Variants in EXT2 observed in about 807,000 individuals in gnomAD.
The protein encoded by EXT2 is exostosin glycosyltransferase 2, also known as exostosin-2.
In EXT2, 53 loss-of-function variants were observed where a neutral mutation model predicts 81.6. That is an observed-to-expected ratio of 0.65 (90% CI 0.52 to 0.82). The LOEUF (loss-of-function observed/expected upper bound fraction) is 0.82. EXT2 is among the 40% of genes least tolerant of loss of function. EXT2 has a pLI of 0.00. For synonymous variants in EXT2, 320 were observed against 340.0 expected (o/e 0.94, Z 0.65); for missense variants, 774 against 910.2 (o/e 0.85, Z 1.93).
chr11:44,184,365 T>G (rs574290585), intron 8 of EXT2, among the ~76,000 whole-genome samples: 75 of 152,360 alleles, frequency 4.9e-4, no homozygotes, highest in African/African-American at 1.7e-3. Context: ...AAATTACATT[T>G]TTTCTTAAAG....
In EXT2 at chr11:44,249,699, A is replaced by T. The variant is rs1956124301; in HGVS notation, c.*5412A>T. 6.6e-6 allele frequency among the ~76,000 whole-genome samples: 1 copy of T among 152,232 alleles called. No homozygotes were observed. The highest frequency in any genetic ancestry group is 6.5e-5 in the Admixed American group (1 of 15,286). The stretch of plus-strand genomic sequence containing the variant: ...GGTGAGCACAGCTGAAGACCAACCA[A>T]CTAGTTACTGATCCAGATGAGGGAA... On this transcript the variant is annotated 3_prime_UTR_variant, in exon 14 of 14. Transcript: ENST00000533608.
intron 13 of EXT2, among the ~76,000 whole-genome samples, chr11:44,242,885 G>C (rs902343017): frequency 6.6e-6 from 1 of 152,030 alleles, no homozygotes; most frequent in African/African-American, 2.4e-5. Flanking sequence ...TATCCTCTCT[G>C]TATCTCAGTC....
chr11:44,201,446 C>T (rs1383159796), intron 9 of EXT2, among the ~76,000 whole-genome samples: 1 of 152,172 alleles, frequency 6.6e-6, no homozygotes, highest in African/African-American at 2.4e-5. Flanking sequence ...TAGGACAAAC[C>T]TGCAAGGAAA....
At chr11:44,238,538 G>A (rs540026865) in intron 13 of EXT2, among the ~76,000 whole-genome samples, 3 of 152,306 alleles carry the variant, frequency 2.0e-5, no homozygotes, top group Admixed American at 2.0e-4. Context: ...CGAACTGTTG[G>A]ACTTTTAACA....
chr11:44,117,265 G>A (rs1362506741), intron 4 of EXT2, among the ~76,000 whole-genome samples: 11 of 152,036 alleles, frequency 7.2e-5, no homozygotes, highest in African/African-American at 1.9e-4. Context: ...CACCGCACCC[G>A]GCCTCACATT....
At chr11:44,200,692 G>A (rs1363001320) in intron 9 of EXT2, among the ~76,000 whole-genome samples, 1 of 152,126 alleles carries the variant, frequency 6.6e-6, no homozygotes, top group Non-Finnish European at 1.5e-5. Flanking sequence ...GAGACCAGCT[G>A]TACACCAGCA....
intron 5 of EXT2, among the ~76,000 whole-genome samples, chr11:44,126,186 T>C (rs1954400772): frequency 6.6e-6 from 1 of 152,336 alleles, no homozygotes; most frequent in African/African-American, 2.4e-5. Flanking sequence ...ATTCCCCACA[T>C]TGAGGGGGTT....
intron 1 of EXT2, among the ~76,000 whole-genome samples, chr11:44,106,203 T>C (rs1226862512): frequency 1.3e-5 from 2 of 152,204 alleles, no homozygotes; most frequent in African/African-American, 2.4e-5. Context: ...TACATTTTGT[T>C]TGGAGAAGTA....
chr11:44,235,549 A>C (rs777379094), intron 12 of EXT2, among the ~76,000 whole-genome samples: 2 of 151,954 alleles, frequency 1.3e-5, no homozygotes, highest in African/African-American at 2.4e-5. Flanking sequence ...CCTGGCCCCA[A>C]ATTTGCTTTT....
Position 44,245,612 on chromosome 11 carries a change from G to C in EXT2, c.*1325G>C, listed in dbSNP as rs1200079669. 6.6e-6 allele frequency among the ~76,000 whole-genome samples: 1 copy of C among 152,160 alleles called. No individual in the cohort carries two copies. The highest frequency in any genetic ancestry group is 1.5e-5 in the Non-Finnish European group (1 of 68,034). ...TACATAACAATTTGCTTAGAATATG[G>C]ATATAATTACAGAAACCTAGTTGTT... On this transcript the variant is annotated 3_prime_UTR_variant, in exon 14 of 14. Coordinates refer to ENST00000533608, the MANE Select transcript of EXT2 (RefSeq NM_207122.2).
intron 7 of EXT2, among the ~76,000 whole-genome samples, chr11:44,159,392 T>A (rs1255236230): frequency 1.3e-5 from 2 of 152,120 alleles, no homozygotes; most frequent in East Asian, 1.9e-4. Flanking sequence ...TGTTAAAATA[T>A]CCTCAAGTTC....
intron 1 of EXT2, among the ~76,000 whole-genome samples, chr11:44,101,944 T>TAAA (rs71035677): frequency 0.011 from 1,436 of 131,122 alleles, 15 homozygotes; most frequent in South Asian, 0.02. Context: ...GTATAATCAG[T>TAAA]AAAAAAAAAA....
chr11:44,126,852 C>T lies in EXT2; in HGVS notation c.976C>T (p.Leu326=), dbSNP rs1954412783. The change falls in exon 6 of 14, where the codon CTG becomes TTG. Residue 326 remains leucine (L), a synonymous_variant. Coordinates refer to ENST00000533608, the MANE Select transcript of EXT2 (RefSeq NM_207122.2). ...CTGTGTGGTTCTTCGTGGAGCTCGG[C>T]TGGGCCAGGCAGTATTGAGCGATGT... The part of the protein sequence containing the change: ...TFCVVLRGAR[L]GQAVLSDVLQ... 1 of 1,614,064 alleles carries T rather than the reference C, an allele frequency of 6.2e-7. No homozygotes were observed. Among genetic ancestry groups the T allele is most frequent in the African/African-American group, 1.3e-5 (1 of 74,914 alleles).
intron 3 of EXT2, among the ~76,000 whole-genome samples, chr11:44,112,590 T>C (rs1954160867): frequency 6.6e-6 from 1 of 152,146 alleles, no homozygotes. Context: ...TGCCTTAGAG[T>C]GCATGCCAGT....
chr11:44,109,359 C>A, intron 3 of EXT2, 76 bp downstream of exon 3: 1 of 1,188,660 alleles, frequency 8.4e-7, no homozygotes, highest in South Asian at 1.2e-5. Context: ...ATTCCTAAAT[C>A]TACCACATAC....
rs1590679700 is a variant in EXT2, at chr11:44,251,267, A to G, written c.*6980A>G. ...TTGGAAGTCATAATGATGAATATCCATTAATAAGAGATTGATGCTCTTTCA... is the reference window on the plus strand; with the variant it reads ...TTGGAAGTCATAATGATGAATATCCGTTAATAAGAGATTGATGCTCTTTCA... On this transcript the variant is annotated 3_prime_UTR_variant, in exon 14 of 14. Coordinates refer to ENST00000533608, the MANE Select transcript of EXT2 (RefSeq NM_207122.2). 2.0e-5 allele frequency among the ~76,000 whole-genome samples: 3 copies of G among 152,094 alleles called. No homozygotes were observed. Among genetic ancestry groups the G allele is most frequent in the African/African-American group, 7.2e-5 (3 of 41,414 alleles).
chr11:44,112,745 A>AC (rs1269457834), intron 3 of EXT2, among the ~76,000 whole-genome samples: 1 of 152,050 alleles, frequency 6.6e-6, no homozygotes. Context: ...ATTCACCTTA[A>AC]CCCCCCTGGA....
intron 9 of EXT2, among the ~76,000 whole-genome samples, chr11:44,206,082 ATATT>A (rs1186704224): frequency 2.0e-5 from 3 of 152,178 alleles, no homozygotes; most frequent in Middle Eastern, 3.2e-3. Flanking sequence ...TAGAAATTTG[ATATT>A]TACTTTGTAA....
rs7931898 is a variant in EXT2 at position 44,247,851 on chromosome 11, G to A, written c.*3564G>A. ...CACCATGCCAGGAGGAAACTAGAGCGTCTTTATCACTGAAAGATAGCACGT... is the reference window on the plus strand; with the variant it reads ...CACCATGCCAGGAGGAAACTAGAGCATCTTTATCACTGAAAGATAGCACGT... On this transcript the variant is annotated 3_prime_UTR_variant, in exon 14 of 14. Transcript: ENST00000533608. 0.9 allele frequency among the ~76,000 whole-genome samples: 136,565 copies of A among 152,310 alleles called. 61,318 individuals are homozygous for A. The highest frequency in any genetic ancestry group is 0.99 in the East Asian group (5,125 of 5,182).
Sources: allele counts gnomAD v4.1 joint callset (sites outside exome capture counted in the v4.1 genomes callset), GRCh38; gene constraint gnomAD v4.1.1; transcripts MANE v1.5; gene names NCBI Gene and HGNC (gene_info 2026-07-23, HGNC 2026-07-21).